Variants in FMN1 observed in about 807,000 individuals in gnomAD.
The protein encoded by FMN1 is formin-1.
A neutral mutation model predicts 132.4 loss-of-function variants in FMN1; 110 were observed. That is an observed-to-expected ratio of 0.83 (90% CI 0.71 to 0.97). The LOEUF (loss-of-function observed/expected upper bound fraction) is 0.97, where lower values mean the gene tolerates loss of function less well. FMN1 is among the 50% of genes least tolerant of loss of function. FMN1 has a pLI of 0.00. For synonymous variants in FMN1, 722 were observed against 651.7 expected (o/e 1.11, Z -1.64); for missense variants, 1,792 against 1,705.3 (o/e 1.05, Z -0.90).
intron 6 of FMN1, among the ~76,000 whole-genome samples, chr15:33,013,973 A>G (rs1434226379): frequency 6.6e-6 from 1 of 152,196 alleles, no homozygotes; most frequent in Admixed American, 6.5e-5. Flanking sequence ...CAAACCGATG[A>G]AGGAGACTAC....
intron 9 of FMN1, among the ~76,000 whole-genome samples, chr15:32,940,342 G>A (rs911821271): frequency 2.6e-5 from 4 of 151,606 alleles, no homozygotes; most frequent in East Asian, 1.9e-4. Flanking sequence ...CCAATTCAAC[G>A]GTCCTCACAA....
At chr15:33,035,592 T>C (rs565759187) in intron 6 of FMN1, among the ~76,000 whole-genome samples, 1 of 152,304 alleles carries the variant, frequency 6.6e-6, no homozygotes, top group African/African-American at 2.4e-5. Context: ...TCTTTTCTTA[T>C]TTGGTTGCTC....
At chr15:32,948,860 T>C (rs892159482) in intron 9 of FMN1, among the ~76,000 whole-genome samples, 3 of 152,104 alleles carry the variant, frequency 2.0e-5, no homozygotes, top group Non-Finnish European at 4.4e-5. Flanking sequence ...TTAAAATGTA[T>C]TAGGTTAAAC....
At chr15:33,109,592 G>C (rs1426754146) in intron 4 of FMN1, among the ~76,000 whole-genome samples, 1 of 152,068 alleles carries the variant, frequency 6.6e-6, no homozygotes, top group African/African-American at 2.4e-5. Context: ...GGCAGGAACA[G>C]AAAATCAAAT....
At chr15:32,840,397 T>G (rs1038032097) in intron 17 of FMN1, among the ~76,000 whole-genome samples, 2 of 152,144 alleles carry the variant, frequency 1.3e-5, no homozygotes, top group African/African-American at 4.8e-5. Context: ...GCTCTATTTT[T>G]CCCTTCTCAC....
At chr15:33,168,656 C>A (rs553884610) in intron 3 of FMN1, among the ~76,000 whole-genome samples, 1 of 152,304 alleles carries the variant, frequency 6.6e-6, no homozygotes, top group East Asian at 1.9e-4. Context: ...GTCAAAGTGT[C>A]AAAGTTTGAC....
chr15:32,871,453 C>T (rs1459705554), intron 16 of FMN1, among the ~76,000 whole-genome samples: 2 of 152,140 alleles, frequency 1.3e-5, no homozygotes, highest in Non-Finnish European at 2.9e-5. Context: ...GCATGTTTAA[C>T]AGCCATATAA....
intron 10 of FMN1, among the ~76,000 whole-genome samples, chr15:32,922,087 T>C (rs1009256327): frequency 2.0e-5 from 3 of 152,206 alleles, no homozygotes; most frequent in African/African-American, 4.8e-5. Flanking sequence ...TGTTATTTCA[T>C]AGCCAATTCT....
intron 3 of FMN1, among the ~76,000 whole-genome samples, chr15:33,171,305 G>A (rs1965313467): frequency 6.6e-6 from 1 of 152,144 alleles, no homozygotes; most frequent in South Asian, 2.1e-4. Flanking sequence ...CGACAGTAGA[G>A]TAACTATAGT....
At chr15:32,946,994 G>A (rs1255315864) in intron 9 of FMN1, among the ~76,000 whole-genome samples, 1 of 152,072 alleles carries the variant, frequency 6.6e-6, no homozygotes, top group Non-Finnish European at 1.5e-5. Flanking sequence ...CAAGCATGTG[G>A]CCTATCTTTT....
At chr15:33,125,559 G>A (rs547115365) in intron 4 of FMN1, among the ~76,000 whole-genome samples, 1 of 152,124 alleles carries the variant, frequency 6.6e-6, no homozygotes, top group African/African-American at 2.4e-5. Flanking sequence ...TTCAGAATAG[G>A]TGGGGCATGG....
At chr15:33,101,398 G>C (rs1281586084) in intron 4 of FMN1, among the ~76,000 whole-genome samples, 2 of 151,622 alleles carry the variant, frequency 1.3e-5, no homozygotes, top group Non-Finnish European at 2.9e-5. Context: ...GGCCACATTG[G>C]AAGAAAAATT....
intron 5 of FMN1, among the ~76,000 whole-genome samples, chr15:33,083,628 G>T (rs1435515476): frequency 1.3e-5 from 2 of 152,142 alleles, no homozygotes; most frequent in African/African-American, 4.8e-5. Flanking sequence ...CTATTCATTT[G>T]TATCCTTTAA....
At chr15:32,921,037 C>T (rs1196154297) in intron 10 of FMN1, among the ~76,000 whole-genome samples, 2 of 152,142 alleles carry the variant, frequency 1.3e-5, no homozygotes, top group Non-Finnish European at 2.9e-5. Flanking sequence ...AGTGAGCAGT[C>T]TCCTTCTCAG....
chr15:32,825,827 G>A (rs1458846096), intron 17 of FMN1, among the ~76,000 whole-genome samples: 2 of 152,064 alleles, frequency 1.3e-5, no homozygotes, highest in African/African-American at 4.8e-5. Context: ...CCGGGAGACC[G>A]TCTCTTATCT....
intron 17 of FMN1, among the ~76,000 whole-genome samples, chr15:32,824,737 G>C (rs1290688956): frequency 6.6e-6 from 1 of 152,166 alleles, no homozygotes; most frequent in South Asian, 2.1e-4. Context: ...GGGACTACAG[G>C]TGTGAGCCAC....
chr15:33,142,489 G>A (rs1031818843), intron 4 of FMN1, among the ~76,000 whole-genome samples: 3 of 152,124 alleles, frequency 2.0e-5, no homozygotes, highest in Admixed American at 6.6e-5. Flanking sequence ...AATCCCATGA[G>A]GGCAGAGAGC....
intron 14 of FMN1, among the ~76,000 whole-genome samples, chr15:32,899,172 G>A (rs2060233212): frequency 6.6e-6 from 1 of 152,142 alleles, no homozygotes; most frequent in Admixed American, 6.5e-5. Context: ...TTGTGTCCTT[G>A]TATTTTCTGG....
intron 3 of FMN1, among the ~76,000 whole-genome samples, chr15:33,159,314 C>A (rs893857020): frequency 1.3e-5 from 2 of 152,070 alleles, no homozygotes; most frequent in African/African-American, 4.8e-5. Flanking sequence ...TGGTGCCATT[C>A]ACAAAGATAA....
Sources: allele counts gnomAD v4.1 joint callset (sites outside exome capture counted in the v4.1 genomes callset), GRCh38; gene constraint gnomAD v4.1.1; transcripts MANE v1.5; gene names NCBI Gene and HGNC (gene_info 2026-07-23, HGNC 2026-07-21).